The following CABP5 variants were observed in gnomAD, a reference collection of about 807,000 sequenced individuals.
CABP5 encodes the protein calcium binding protein 5.
In CABP5, 17 loss-of-function variants were observed where a neutral mutation model predicts 21.9. The observed-to-expected ratio is 0.78, with a 90% CI of 0.53 to 1.17. The LOEUF is 1.17. Ranked by LOEUF, CABP5 falls within the 50% of genes most tolerant of loss-of-function variation. The pLI, the probability that CABP5 is intolerant of heterozygous loss-of-function variation, is 0.00. For synonymous variants in CABP5, 85 were observed against 79.4 expected (o/e 1.07, Z -0.37); for missense variants, 229 against 228.9 (o/e 1.00, Z 0.00).
At chr19:48,040,287 C>T (rs1799042873) in intron 3 of CABP5, among the ~76,000 whole-genome samples, 1 of 152,116 alleles carries the variant, frequency 6.6e-6, no homozygotes, top group African/African-American at 2.4e-5. Flanking sequence ...TTCCACAGTC[C>T]CATGAGGTAA....
In CABP5 at chr19:48,030,411, T is replaced by C. The variant is rs745491229; in HGVS notation, c.*146A>G. The C allele has an allele frequency of 2.9e-4, 208 of 722,782 alleles. No homozygotes were observed. The highest frequency in any genetic ancestry group is 6.7e-4 in the Middle Eastern group (2 of 2,970). The allele number at this position is 722,782 out of a possible 1,614,324, so 44.8% of individuals were successfully genotyped here. ...AGATACCGCTCTGGGTCTCACCCCA[T>C]GCACAGCGCCGCATGCCAATGCCCT... On this transcript the variant is annotated 3_prime_UTR_variant, in exon 6 of 6. Transcript: ENST00000293255.
chr19:48,035,538 G>A (rs948729379), intron 4 of CABP5, among the ~76,000 whole-genome samples: 1 of 152,172 alleles, frequency 6.6e-6, no homozygotes, highest in Non-Finnish European at 1.5e-5. Context: ...TGGAGGTTGT[G>A]GTGAGCCAAG....
intron 5 of CABP5, among the ~76,000 whole-genome samples, chr19:48,033,014 CTTTTT>C (rs370570252): frequency 1.6e-5 from 2 of 123,274 alleles, no homozygotes; most frequent in Admixed American, 8.7e-5. Context: ...ACTTGACATG[CTTTTT>C]TTTTTTTTTT....
intron 5 of CABP5, among the ~76,000 whole-genome samples, 197 bp downstream of exon 5, chr19:48,034,018 C>G (rs3745749): frequency 0.3 from 45,887 of 151,890 alleles, 7,819 homozygotes; most frequent in Non-Finnish European, 0.38. Context: ...CAGAAGTGAG[C>G]GACACCCAGC....
chr19:48,030,485 G>C lies in CABP5; in HGVS notation c.*72C>G. On this transcript the variant is annotated 3_prime_UTR_variant, in exon 6 of 6. Transcript: ENST00000293255. ...TGCTTTAAGGGGATCTGGGGCTTTT[G>C]GGCTTTGGTTCTCCACAAGCGCTTG... 1 of 1,506,818 alleles carries C rather than the reference G, an allele frequency of 6.6e-7. No individual in the cohort carries two copies. Among genetic ancestry groups the C allele is most frequent in the South Asian group, 1.2e-5 (1 of 83,510 alleles). 93.3% of individuals were successfully genotyped at this position (1,506,818 alleles called of 1,614,324 possible).
chr19:48,031,660 A>G (rs11666965), intron 5 of CABP5, among the ~76,000 whole-genome samples: 46,271 of 151,992 alleles, frequency 0.3, 7,917 homozygotes, highest in Non-Finnish European at 0.39. Context: ...TCACCAACAT[A>G]CCTGAGGCCA....
At chr19:48,032,577 C>T (rs1408965117) in intron 5 of CABP5, among the ~76,000 whole-genome samples, 2 of 152,016 alleles carry the variant, frequency 1.3e-5, no homozygotes, top group Non-Finnish European at 2.9e-5. Flanking sequence ...AATCTGCCTG[C>T]CTTAGCTTCA....
In CABP5 at chr19:48,043,865, G is replaced by C. The variant is rs752937077; in HGVS notation, c.58C>G (p.Gln20Glu). Residue 20 changes from glutamine (Q) to glutamate (E), a missense_variant, in exon 1 of 6, where the codon CAG (glutamine) becomes GAG (glutamate). Transcript: ENST00000293255. ...CCCCTCACTCCCCACCTCACCCGCT[G>C]TTTCTCAGCAATGCCTTTCCTCAAG... ...IFLRKGIAEKQRERPLGQDEI... is the reference protein window; with the variant it reads ...IFLRKGIAEKERERPLGQDEI... 2.5e-5 allele frequency: 37 copies of C among 1,497,210 alleles called. No individual in the cohort carries two copies. Among genetic ancestry groups the C allele is most frequent in the Non-Finnish European group, 3.2e-5 (36 of 1,127,482 alleles). The allele number at this position is 1,497,210 out of a possible 1,614,324, so 92.7% of individuals were successfully genotyped here.
chr19:48,043,737 C>T lies in CABP5; in HGVS notation c.63+123G>A, dbSNP rs550813671. On this transcript the variant is annotated intron_variant, in intron 1 of 5. Transcript: ENST00000293255. Reference sequence around the variant, plus strand: ...GGGTCCTTGGAATTTCTTATACCTTCTCAGCTCCTGCTCTATCCACCTGTT... The same window carrying T: ...GGGTCCTTGGAATTTCTTATACCTTTTCAGCTCCTGCTCTATCCACCTGTT... 2.3e-5 allele frequency: 18 copies of T among 799,358 alleles called. No homozygotes were observed. The South Asian group carries it at 3.2e-4, about 14-fold the overall frequency. The allele number at this position is 799,358 out of a possible 1,614,324, so 49.5% of individuals were successfully genotyped here.
rs776769821 is a variant in CABP5 at position 48,034,340 on chromosome 19, T to C, written c.371A>G (p.Glu124Gly). Residue 124 changes from glutamate to glycine, a missense_variant, in exon 5 of 6, where the codon GAG (glutamate) becomes GGG (glycine). Glu to Gly is a moderately conservative substitution (Grantham distance 98, BLOSUM62 -2). Coordinates refer to ENST00000293255, the MANE Select transcript of CABP5 (RefSeq NM_019855.5). ...CTGCTGTAGCTCCACCAGGGTGATCTCCCCATCTCCATTCGTGTCAAACTG... is the reference window on the plus strand; with the variant it reads ...CTGCTGTAGCTCCACCAGGGTGATCCCCCCATCTCCATTCGTGTCAAACTG... Reference protein sequence around the residue: ...FKEFDTNGDGEITLVELQQAM... With the variant: ...FKEFDTNGDGGITLVELQQAM... 4.4e-6 allele frequency: 7 copies of C among 1,578,074 alleles called. No homozygotes were observed. Among genetic ancestry groups the C allele is most frequent in the Non-Finnish European group, 5.2e-6 (6 of 1,163,828 alleles).
At chr19:48,032,065 G>T (rs1967346281) in intron 5 of CABP5, among the ~76,000 whole-genome samples, 1 of 151,988 alleles carries the variant, frequency 6.6e-6, no homozygotes, top group Admixed American at 6.6e-5. Context: ...AGACTTCACA[G>T]CTGGGAGGAA....
intron 4 of CABP5, among the ~76,000 whole-genome samples, 164 bp from the exon 5 acceptor site, chr19:48,034,526 T>A (rs2040757017): frequency 7.6e-6 from 1 of 131,318 alleles, no homozygotes; most frequent in South Asian, 2.5e-4. Flanking sequence ...TTCTGTTTTT[T>A]TTTTTCTTTT....
chr19:48,042,720 G>A (rs1030521544), intron 1 of CABP5, among the ~76,000 whole-genome samples: 13 of 151,872 alleles, frequency 8.6e-5, no homozygotes, highest in Non-Finnish European at 1.5e-4. Context: ...GATTACAGGC[G>A]CCTGCCACTG....
chr19:48,038,493 G>T (rs1967439131), intron 4 of CABP5, among the ~76,000 whole-genome samples: 1 of 152,098 alleles, frequency 6.6e-6, no homozygotes, highest in African/African-American at 2.4e-5. Context: ...TCCCTTCTGG[G>T]ATCTCAAATT....
intron 4 of CABP5, among the ~76,000 whole-genome samples, chr19:48,037,936 T>C (rs771726932): frequency 3.9e-5 from 6 of 152,156 alleles, no homozygotes; most frequent in Non-Finnish European, 8.8e-5. Context: ...TGTTTTGAGA[T>C]GGAGTTTCAC....
intron 3 of CABP5, 145 bp downstream of exon 3, chr19:48,040,460 C>T (rs1033151136): frequency 2.8e-5 from 21 of 752,020 alleles, no homozygotes; most frequent in East Asian, 8.2e-5. Flanking sequence ...CTTCCTGAGT[C>T]GAATCTGACC....
chr19:48,043,016 C>CT (rs557201807), intron 1 of CABP5, among the ~76,000 whole-genome samples: 310 of 151,818 alleles, frequency 2.0e-3, no homozygotes, highest in African/African-American at 7.2e-3. Context: ...CTGCCACTTA[C>CT]TTTTTTTTAA....
intron 4 of CABP5, among the ~76,000 whole-genome samples, 168 bp from the exon 5 acceptor site, chr19:48,034,530 T>G (rs962702080): frequency 1.2e-3 from 148 of 128,578 alleles, no homozygotes; most frequent in Non-Finnish European, 2.4e-3. Context: ...GTTTTTTTTT[T>G]TCTTTTTTTC....
intron 4 of CABP5, among the ~76,000 whole-genome samples, chr19:48,037,420 C>T (rs1967425318): frequency 6.6e-6 from 1 of 151,480 alleles, no homozygotes; most frequent in Non-Finnish European, 1.5e-5. Context: ...ACGCATGTAC[C>T]ACCACGCCTA....
Sources: gnomAD v4.1 joint callset for allele counts (sites outside exome capture counted in the v4.1 genomes callset) on GRCh38, gnomAD v4.1.1 for gene constraint, MANE v1.5 for transcripts, NCBI Gene and HGNC (gene_info 2026-07-23, HGNC 2026-07-21) for gene names.